HMCN1: variants seen among roughly 807,000 people sequenced by gnomAD.
HMCN1 encodes hemicentin-1.
In HMCN1, 321 loss-of-function variants were observed where a neutral mutation model predicts 625.9. The ratio of observed to expected loss-of-function variants is 0.51; its 90% CI spans 0.47 to 0.56. HMCN1 has a LOEUF of 0.56. HMCN1 is among the 20% of genes least tolerant of loss of function. HMCN1 has a pLI of 0.00. For missense variants in HMCN1, 6,588 were observed against 6,887.3 expected (o/e 0.96, Z 1.54); for synonymous variants, 2,425 against 2,417.6 (o/e 1.00, Z -0.09).
chr1:186,147,797 C>T (rs1183718334), intron 93 of HMCN1, among the ~76,000 whole-genome samples: 7 of 152,034 alleles, frequency 4.6e-5, no homozygotes, highest in Non-Finnish European at 8.8e-5. Flanking sequence ...CTAAAAAATG[C>T]TAATGATTAT....
At chr1:186,055,319 G>A (rs1657237499) in intron 44 of HMCN1, 74 bp from the exon 45 acceptor site, 3 of 1,350,074 alleles carry the variant, frequency 2.2e-6, no homozygotes, top group East Asian at 2.3e-5. Flanking sequence ...AAGTTTGGCT[G>A]ATGAAAATTC....
At chr1:185,918,169 T>G (rs1666820170) in intron 6 of HMCN1, among the ~76,000 whole-genome samples, 1 of 152,146 alleles carries the variant, frequency 6.6e-6, no homozygotes, top group Admixed American at 6.5e-5. Context: ...AAGCCGGTAG[T>G]GACTCAGTCC....
intron 53 of HMCN1, 59 bp downstream of exon 53, chr1:186,074,950 AAAG>A (rs2102356788): frequency 7.1e-7 from 1 of 1,406,956 alleles, no homozygotes; most frequent in Non-Finnish European, 1.0e-6. Flanking sequence ...AAGTAAAAGA[AAAG>A]AGATTTGACT....
chr1:185,872,538 A>G (rs1439106798), intron 4 of HMCN1, among the ~76,000 whole-genome samples: 1 of 152,120 alleles, frequency 6.6e-6, no homozygotes, highest in Non-Finnish European at 1.5e-5. Context: ...AATATTTCTC[A>G]CAAATGTTGG....
chr1:186,157,131 G>C (rs1324630257), intron 97 of HMCN1, among the ~76,000 whole-genome samples: 2 of 152,136 alleles, frequency 1.3e-5, no homozygotes, highest in South Asian at 2.1e-4. Flanking sequence ...TTATCAGTCT[G>C]TATATCCTAA....
At chr1:186,039,258 C>A (rs1469996710) in intron 38 of HMCN1, among the ~76,000 whole-genome samples, 1 of 152,032 alleles carries the variant, frequency 6.6e-6, no homozygotes, top group Non-Finnish European at 1.5e-5. Context: ...TAGCTAACAA[C>A]AAAAAACACT....
chr1:185,906,170 G>A lies in HMCN1; in HGVS notation c.622-3167G>A, dbSNP rs1454843108. Among the ~76,000 whole-genome samples the A allele has an allele frequency of 2.0e-5, 3 of 151,750 alleles. No homozygotes were observed. The East Asian group carries it at 5.8e-4, about 29-fold the overall frequency. On this transcript the variant is annotated intron_variant, in intron 4 of 106. Transcript: ENST00000271588. ...CTGGCACCCTGAGAAGCCAGAAACT[G>A]CACTTATGGTACATTCTGTAGCTTG... is the stretch of plus-strand genomic sequence containing the variant.
In HMCN1 at chr1:185,992,610, TATTTATTC is replaced by T. The variant is rs561170725; in HGVS notation, c.3378-567_3378-560del. ...CTTTCTGGAGGACTCTGTCCTTAAC[TATTTATTC>T]ATTTGCATGTCTCTGGGCCAAGAGC... On this transcript the variant is annotated intron_variant, in intron 22 of 106. Transcript: ENST00000271588. 1.3e-3 allele frequency among the ~76,000 whole-genome samples: 197 copies of T among 152,278 alleles called. 1 individual carries two copies. Among genetic ancestry groups the T allele is most frequent in the African/African-American group, 4.6e-3 (190 of 41,578 alleles).
chr1:185,755,212 T>C (rs1655056871), intron 1 of HMCN1, among the ~76,000 whole-genome samples: 1 of 152,230 alleles, frequency 6.6e-6, no homozygotes, highest in African/African-American at 2.4e-5. Flanking sequence ...CTTTGGTCCA[T>C]CTTTTATTCT....
At chr1:186,179,372 G>T (rs1041710527) in intron 104 of HMCN1, among the ~76,000 whole-genome samples, 1 of 152,160 alleles carries the variant, frequency 6.6e-6, no homozygotes, top group African/African-American at 2.4e-5. Flanking sequence ...AAATTCACAA[G>T]TCTATAATTC....
intron 97 of HMCN1, among the ~76,000 whole-genome samples, chr1:186,164,004 C>T (rs1571446609): frequency 6.6e-6 from 1 of 152,114 alleles, no homozygotes; most frequent in East Asian, 1.9e-4. Context: ...TCCCACACAA[C>T]ATAACTGGTT....
chr1:186,190,088 T>TATTA lies in HMCN1; in HGVS notation c.*211_*214dup. 5.0e-6 allele frequency: 3 copies of TATTA among 602,386 alleles called. No individual in the cohort carries two copies. The highest frequency in any genetic ancestry group is 8.8e-6 in the Non-Finnish European group (3 of 341,032). 37.3% of individuals were successfully genotyped at this position (602,386 alleles called of 1,614,324 possible). On this transcript the variant is annotated 3_prime_UTR_variant, in exon 107 of 107. Transcript: ENST00000271588. ...TGAAGTATGGTCTAGAAAAGTCCCT[T>TATTA]ATTATTTTATTTATTACACTGGAGC...
intron 1 of HMCN1, among the ~76,000 whole-genome samples, chr1:185,752,131 G>A (rs1654855379): frequency 6.6e-6 from 1 of 152,082 alleles, no homozygotes; most frequent in South Asian, 2.1e-4. Context: ...TTGGGCTTTG[G>A]ATTCCGGTGC....
At chr1:185,959,502 C>CA (rs1649860083) in intron 11 of HMCN1, among the ~76,000 whole-genome samples, 1 of 151,978 alleles carries the variant, frequency 6.6e-6, no homozygotes, top group Non-Finnish European at 1.5e-5. Context: ...TAGGAAATTA[C>CA]AAAAACATGT....
intron 93 of HMCN1, among the ~76,000 whole-genome samples, chr1:186,147,607 G>T (rs2102563631): frequency 6.6e-6 from 1 of 152,210 alleles, no homozygotes; most frequent in Non-Finnish European, 1.5e-5. Flanking sequence ...ATACCTCAGA[G>T]ATATTGCAGA....
rs548347621 is a variant in HMCN1 at position 186,145,842 on chromosome 1, C to A, written c.14527C>A (p.His4843Asn). 1 of 1,614,016 alleles carries A rather than the reference C, an allele frequency of 6.2e-7. No individual in the cohort carries two copies. The highest frequency in any genetic ancestry group is 1.6e-4 in the Middle Eastern group (1 of 6,062). Residue 4843 changes from histidine to asparagine, a missense_variant, in exon 93 of 107, where the codon CAT (histidine) becomes AAT (asparagine). By Grantham distance (68) the His-to-Asn change is moderately conservative. Coordinates refer to ENST00000271588, the MANE Select transcript of HMCN1 (RefSeq NM_031935.3). ...GEKTRKRLCDHPVPVKGGRPC... is the reference protein window; with the variant it reads ...GEKTRKRLCDNPVPVKGGRPC... ...AAAGACTCGGAAGCGGCTGTGCGAC[C>A]ATCCTGTGCCAGTTAAAGGTGGCCG...
intron 56 of HMCN1, among the ~76,000 whole-genome samples, chr1:186,082,128 A>C (rs1659202320): frequency 6.6e-6 from 1 of 152,176 alleles, no homozygotes; most frequent in Non-Finnish European, 1.5e-5. Context: ...ACCTCTACCA[A>C]AATACTTCAA....
intron 99 of HMCN1, 108 bp downstream of exon 99, chr1:186,166,411 C>A: frequency 7.3e-7 from 1 of 1,372,234 alleles, no homozygotes; most frequent in Non-Finnish European, 1.0e-6. Flanking sequence ...TCTGCCCACA[C>A]CTTGGCAACA....
chr1:185,898,319 C>A (rs747066098), intron 4 of HMCN1, among the ~76,000 whole-genome samples: 26 of 152,142 alleles, frequency 1.7e-4, no homozygotes, highest in African/African-American at 2.7e-4. Context: ...CAGGAAGGAG[C>A]AAGTCAGGAA....
Sources: allele counts gnomAD v4.1 joint callset (sites outside exome capture counted in the v4.1 genomes callset), GRCh38; gene constraint gnomAD v4.1.1; transcripts MANE v1.5; gene names NCBI Gene and HGNC (gene_info 2026-07-23, HGNC 2026-07-21).